The following PPP5C variants were observed in gnomAD, a reference collection of about 807,000 sequenced individuals.
The protein encoded by PPP5C is serine/threonine-protein phosphatase 5.
A neutral mutation model predicts 66.7 loss-of-function variants in PPP5C; 21 were observed. The ratio of observed to expected loss-of-function variants is 0.31; its 90% CI spans 0.22 to 0.45. The LOEUF (loss-of-function observed/expected upper bound fraction) is 0.45. Among genes scored for constraint, PPP5C ranks in the 20% least tolerant of loss-of-function variants. PPP5C has a pLI of 1.00. For missense variants in PPP5C, 464 were observed against 675.9 expected (o/e 0.69, Z 3.48); for synonymous variants, 246 against 257.4 (o/e 0.96, Z 0.43).
At chr19:46,386,878 G>T in intron 7 of PPP5C, 1 of 655,034 alleles carries the variant, frequency 1.5e-6, no homozygotes, top group South Asian at 1.9e-5. Context: ...CAAAGTGCTG[G>T]AATTATAGGC....
intron 2 of PPP5C, among the ~76,000 whole-genome samples, chr19:46,369,449 G>A (rs1311822545): frequency 2.0e-5 from 3 of 152,026 alleles, no homozygotes; most frequent in Non-Finnish European, 2.9e-5. Flanking sequence ...TGGCCAACAC[G>A]GTGAAACACC....
chr19:46,373,093 G>T (rs1972623216), intron 2 of PPP5C, among the ~76,000 whole-genome samples: 1 of 152,250 alleles, frequency 6.6e-6, no homozygotes, highest in Non-Finnish European at 1.5e-5. Context: ...TGAGATGTGA[G>T]GCCGCCTGTC....
chr19:46,358,053 G>A (rs1972318151), intron 2 of PPP5C, among the ~76,000 whole-genome samples: 1 of 152,148 alleles, frequency 6.6e-6, no homozygotes, highest in Admixed American at 6.5e-5. Flanking sequence ...CTACATAGGG[G>A]TGGCTAGCCA....
chr19:46,374,419 G>A (rs1012842398), intron 2 of PPP5C, among the ~76,000 whole-genome samples: 1 of 149,662 alleles, frequency 6.7e-6, no homozygotes, highest in African/African-American at 2.5e-5. Flanking sequence ...TCCTGGGGAG[G>A]CTAAGGATGG....
At chr19:46,369,398 C>G (rs1416625386) in intron 2 of PPP5C, among the ~76,000 whole-genome samples, 1 of 150,978 alleles carries the variant, frequency 6.6e-6, no homozygotes, top group Admixed American at 6.6e-5. Flanking sequence ...TTTGGGAGGC[C>G]GAGGCGGGTG....
chr19:46,372,169 T>C (rs975978070), intron 2 of PPP5C, among the ~76,000 whole-genome samples: 3 of 152,128 alleles, frequency 2.0e-5, no homozygotes, highest in Non-Finnish European at 4.4e-5. Flanking sequence ...TGATAGAGCA[T>C]GTACACAAAA....
At chr19:46,369,699 G>C (rs1037269129) in intron 2 of PPP5C, among the ~76,000 whole-genome samples, 1 of 151,288 alleles carries the variant, frequency 6.6e-6, no homozygotes, top group Non-Finnish European at 1.5e-5. Flanking sequence ...AGTCTGAGGC[G>C]GGCAGATCAC....
intron 2 of PPP5C, among the ~76,000 whole-genome samples, chr19:46,358,592 G>A (rs1277969273): frequency 6.6e-6 from 1 of 152,170 alleles, no homozygotes; most frequent in Admixed American, 6.5e-5. Context: ...AGAAACTGAG[G>A]CAAAATTAAT....
chr19:46,373,202 C>T (rs1972625769), intron 2 of PPP5C, among the ~76,000 whole-genome samples: 1 of 152,258 alleles, frequency 6.6e-6, no homozygotes. Flanking sequence ...CAGTGTGCCC[C>T]AGGGACGAGA....
At chr19:46,375,811 A>G in intron 3 of PPP5C, 60 bp downstream of exon 3, 2 of 1,516,588 alleles carry the variant, frequency 1.3e-6, no homozygotes, top group South Asian at 1.3e-5. Context: ...GGCCTTCTCC[A>G]TTCCCTGGGG....
At chr19:46,378,804 A>G (rs1972740060) in intron 4 of PPP5C, among the ~76,000 whole-genome samples, 1 of 151,908 alleles carries the variant, frequency 6.6e-6, no homozygotes, top group Non-Finnish European at 1.5e-5. Context: ...TATTTAACCC[A>G]TTGGTATCTT....
At chr19:46,367,080 T>A (rs1283044266) in intron 2 of PPP5C, among the ~76,000 whole-genome samples, 3 of 152,242 alleles carry the variant, frequency 2.0e-5, no homozygotes, top group African/African-American at 7.2e-5. Context: ...ACTAGTGGGC[T>A]ATTTTTATCA....
At chr19:46,361,763 CAA>C (rs202221574) in intron 2 of PPP5C, among the ~76,000 whole-genome samples, 13 of 104,242 alleles carry the variant, frequency 1.2e-4, no homozygotes, top group Non-Finnish European at 1.4e-4. Context: ...GACTCCGTCT[CAA>C]AAAAAAAAAA....
chr19:46,383,435 C>T lies in PPP5C; in HGVS notation c.658C>T (p.Leu220Phe). ...GATTCTGGTACAGGTCAAAGAGGTC[C>T]TCTCCAAGCTGAGCACGCTCGTGGA... is the stretch of plus-strand genomic sequence containing the variant. ...YQILVQVKEVLSKLSTLVETT... is the reference protein window; with the variant it reads ...YQILVQVKEVFSKLSTLVETT... The change falls in exon 5 of 13, where the codon CTC becomes TTC. Residue 220 changes from leucine to phenylalanine, a missense_variant. Coordinates refer to ENST00000012443, the MANE Select transcript of PPP5C (RefSeq NM_006247.4). The surrounding 1 kb of genome is among the most constrained non-coding windows in gnomAD (Gnocchi z 5.0). 1 of 1,612,160 alleles carries T rather than the reference C, an allele frequency of 6.2e-7. No individual in the cohort carries two copies. Among genetic ancestry groups the T allele is most frequent in the Non-Finnish European group, 8.5e-7 (1 of 1,178,922 alleles).
At chr19:46,357,794 G>T (rs142698231) in intron 2 of PPP5C, among the ~76,000 whole-genome samples, 1 of 152,320 alleles carries the variant, frequency 6.6e-6, no homozygotes, top group Non-Finnish European at 1.5e-5. Flanking sequence ...GAGCTTCCGC[G>T]CCCTCTCCTG....
chr19:46,361,352 A>G (rs1425468057), intron 2 of PPP5C, among the ~76,000 whole-genome samples: 1 of 149,302 alleles, frequency 6.7e-6, no homozygotes, highest in Non-Finnish European at 1.5e-5. Flanking sequence ...GATGGTCTCA[A>G]TCTCTTGACC....
At chr19:46,352,193 G>A (rs1972198550) in intron 1 of PPP5C, among the ~76,000 whole-genome samples, 1 of 152,188 alleles carries the variant, frequency 6.6e-6, no homozygotes, top group Non-Finnish European at 1.5e-5. Context: ...CCACTGTCTA[G>A]GGATGGATCT....
chr19:46,347,701 C>T lies in PPP5C; in HGVS notation c.121+484C>T, dbSNP rs115295498. 1.4e-3 allele frequency among the ~76,000 whole-genome samples: 209 copies of T among 151,284 alleles called. 1 individual carries two copies. Among genetic ancestry groups the T allele is most frequent in the African/African-American group, 4.9e-3 (200 of 41,148 alleles). The stretch of plus-strand genomic sequence containing the variant: ...CAAGGAAGTAGGAGATTTGGGCTGA[C>T]CCGAGGAAAAGGAATGTGATGGTGG... On this transcript the variant is annotated intron_variant, in intron 1 of 12. Coordinates refer to ENST00000012443, the MANE Select transcript of PPP5C (RefSeq NM_006247.4).
Position 46,388,909 on chromosome 19 carries a change from AGT to A in PPP5C, c.1355+180_1355+181del, listed in dbSNP as rs1407488914. Among the ~76,000 whole-genome samples the A allele has an allele frequency of 1.3e-5, 2 of 152,160 alleles. No individual in the cohort carries two copies. Among genetic ancestry groups the A allele is most frequent in the Admixed American group, 1.3e-4 (2 of 15,278 alleles). On this transcript the variant is annotated intron_variant, in intron 11 of 12. Transcript: ENST00000012443. This position sits in a 1 kb window ranked among gnomAD's most constrained non-coding sequence, Gnocchi z 4.9. ...GCAGCACCAGTGGGGCCAGCCTGTG[AGT>A]GCTGACCAGCTGCCCTGTGTTACAG...
Sources: allele counts gnomAD v4.1 joint callset (sites outside exome capture counted in the v4.1 genomes callset), GRCh38; gene constraint gnomAD v4.1.1; non-coding constraint Gnocchi (gnomAD v3.1); transcripts MANE v1.5; gene names NCBI Gene and HGNC (gene_info 2026-07-23, HGNC 2026-07-21).